Variants in HIPK2 observed in about 807,000 individuals in gnomAD.
The protein encoded by HIPK2 is homeodomain-interacting protein kinase 2.
Under a neutral mutation model 113.7 loss-of-function variants are expected in HIPK2, and 27 were observed. That is an observed-to-expected ratio of 0.24 (90% CI 0.17 to 0.33). The LOEUF is 0.33. Among genes scored for constraint, HIPK2 ranks in the 10% least tolerant of loss-of-function variants. The probability of loss-of-function intolerance (pLI) is 1.00; values close to 1 mark genes in which losing one functional copy is unlikely to be tolerated. For missense variants in HIPK2, 1,257 were observed against 1,588.0 expected (o/e 0.79, Z 3.54); for synonymous variants, 631 against 642.2 (o/e 0.98, Z 0.26).
intron 2 of HIPK2, among the ~76,000 whole-genome samples, chr7:139,660,728 C>T (rs916145694): frequency 7.2e-5 from 11 of 152,178 alleles, no homozygotes; most frequent in Admixed American, 6.5e-4. Context: ...GTGGGAGGCA[C>T]CTCTCACAGA....
intron 1 of HIPK2, among the ~76,000 whole-genome samples, chr7:139,736,322 G>A (rs1042671448): frequency 2.6e-5 from 4 of 152,316 alleles, no homozygotes; most frequent in South Asian, 2.1e-4. Context: ...CCCCTTTGGC[G>A]TCCTTGCTGA....
At chr7:139,761,284 C>T (rs1796459940) in intron 1 of HIPK2, among the ~76,000 whole-genome samples, 1 of 152,198 alleles carries the variant, frequency 6.6e-6, no homozygotes, top group South Asian at 2.1e-4. Context: ...AGAATGACCA[C>T]TGGGTACAAA....
chr7:139,718,142 G>A (rs987850888), intron 1 of HIPK2, among the ~76,000 whole-genome samples: 9 of 152,176 alleles, frequency 5.9e-5, no homozygotes. Flanking sequence ...AAATTACGGT[G>A]ATACTGAAAC....
intron 1 of HIPK2, among the ~76,000 whole-genome samples, chr7:139,770,006 CTT>C (rs1569486325): frequency 6.6e-6 from 1 of 152,182 alleles, no homozygotes; most frequent in Non-Finnish European, 1.5e-5. Context: ...TGCATTCTCT[CTT>C]GGTGCTCCTT....
intron 1 of HIPK2, among the ~76,000 whole-genome samples, chr7:139,756,966 T>G (rs1445392123): frequency 2.6e-5 from 4 of 152,236 alleles, no homozygotes; most frequent in Non-Finnish European, 5.9e-5. Context: ...CTAGAACTTG[T>G]AAAATACATA....
chr7:139,612,987 A>G (rs1294853134), intron 9 of HIPK2, among the ~76,000 whole-genome samples: 2 of 151,908 alleles, frequency 1.3e-5, no homozygotes, highest in Admixed American at 1.3e-4. Flanking sequence ...ATTTCCCCAG[A>G]CTCTCCCTGT....
At chr7:139,604,586 C>A (rs1416254715) in intron 9 of HIPK2, among the ~76,000 whole-genome samples, 1 of 144,434 alleles carries the variant, frequency 6.9e-6, no homozygotes, top group Non-Finnish European at 1.5e-5. Flanking sequence ...GAGGCTAAGG[C>A]AGGAGAATGG....
intron 2 of HIPK2, among the ~76,000 whole-genome samples, chr7:139,651,752 C>A (rs1801466683): frequency 6.6e-6 from 1 of 152,178 alleles, no homozygotes; most frequent in African/African-American, 2.4e-5. Context: ...CAAACAGCTG[C>A]CCCAGAAGGG....
chr7:139,732,332 C>T (rs1795813648), intron 1 of HIPK2, among the ~76,000 whole-genome samples: 1 of 152,178 alleles, frequency 6.6e-6, no homozygotes, highest in African/African-American at 2.4e-5. Flanking sequence ...CTGTGAGTCA[C>T]TGTCATCAAG....
chr7:139,729,943 C>G (rs1348936318), intron 1 of HIPK2, among the ~76,000 whole-genome samples: 2 of 152,206 alleles, frequency 1.3e-5, no homozygotes, highest in Admixed American at 1.3e-4. Flanking sequence ...CCTCCATTCA[C>G]TACTGGTTCA....
chr7:139,658,111 G>T (rs774683696), intron 2 of HIPK2, among the ~76,000 whole-genome samples: 5 of 152,230 alleles, frequency 3.3e-5, no homozygotes, highest in Non-Finnish European at 5.9e-5. Flanking sequence ...TTCTAGACCA[G>T]CCTGAGCAAC....
chr7:139,760,398 T>A (rs1465321378), intron 1 of HIPK2, among the ~76,000 whole-genome samples: 1 of 152,176 alleles, frequency 6.6e-6, no homozygotes, highest in Non-Finnish European at 1.5e-5. Flanking sequence ...AGAAACTGAA[T>A]GATATGAGCC....
intron 2 of HIPK2, among the ~76,000 whole-genome samples, chr7:139,651,982 A>C (rs1275280554): frequency 4.6e-5 from 7 of 152,232 alleles, no homozygotes; most frequent in Non-Finnish European, 7.3e-5. Flanking sequence ...TTAGAGAGGA[A>C]GGCTCTGGCG....
intron 8 of HIPK2, 158 bp downstream of exon 8, chr7:139,614,128 A>G (rs1174286657): frequency 2.8e-6 from 1 of 359,766 alleles, no homozygotes; most frequent in African/African-American, 2.2e-5. Flanking sequence ...CCACAGTAGG[A>G]GAGGAGCCCT....
intron 1 of HIPK2, among the ~76,000 whole-genome samples, chr7:139,763,233 G>A (rs1390839739): frequency 6.6e-6 from 1 of 152,210 alleles, no homozygotes; most frequent in Non-Finnish European, 1.5e-5. Flanking sequence ...TTTCTTCCAA[G>A]TGTGATGGAA....
intron 13 of HIPK2, among the ~76,000 whole-genome samples, chr7:139,580,272 C>A (rs550735779): frequency 6.6e-6 from 1 of 152,202 alleles, no homozygotes; most frequent in Admixed American, 6.5e-5. Context: ...CTCGAGGGAT[C>A]AGTGAAGGGG....
chr7:139,699,088 T>C (rs1359392483), intron 2 of HIPK2, among the ~76,000 whole-genome samples: 2 of 152,116 alleles, frequency 1.3e-5, no homozygotes, highest in African/African-American at 2.4e-5. Context: ...CCTGCTTGAC[T>C]GAGGGCGGCC....
At chr7:139,702,814 A>C (rs1794751004) in intron 2 of HIPK2, among the ~76,000 whole-genome samples, 1 of 152,160 alleles carries the variant, frequency 6.6e-6, no homozygotes, top group East Asian at 1.9e-4. Flanking sequence ...AAGTCCTGCT[A>C]TTTCAGCCAT....
intron 9 of HIPK2, among the ~76,000 whole-genome samples, chr7:139,611,271 T>G (rs939916989): frequency 2.6e-5 from 4 of 152,234 alleles, no homozygotes; most frequent in African/African-American, 9.6e-5. Context: ...TATGCCATTT[T>G]TCACCTATGA....
Sources: gnomAD v4.1 joint callset for allele counts (sites outside exome capture counted in the v4.1 genomes callset) on GRCh38, gnomAD v4.1.1 for gene constraint, MANE v1.5 for transcripts, NCBI Gene and HGNC (gene_info 2026-07-23, HGNC 2026-07-21) for gene names.